SLC4A10: variants seen among roughly 807,000 people sequenced by gnomAD.
SLC4A10 encodes the protein solute carrier family 4 member 10.
In SLC4A10, 42 loss-of-function variants were observed where a neutral mutation model predicts 137.7. That is an observed-to-expected ratio of 0.30 (90% CI 0.24 to 0.39). The LOEUF (loss-of-function observed/expected upper bound fraction) is 0.39. SLC4A10 is among the 10% of genes least tolerant of loss of function. SLC4A10 has a pLI of 1.00. For missense variants in SLC4A10, 925 were observed against 1,355.0 expected, an observed-to-expected ratio of 0.68 and a Z score of 4.98; for synonymous variants, 474 against 464.1, an observed-to-expected ratio of 1.02 and a Z score of -0.27.
chr2:161,969,175 AG>A (rs923723566), intron 23 of SLC4A10, among the ~76,000 whole-genome samples: 2 of 152,336 alleles, frequency 1.3e-5, no homozygotes, highest in Admixed American at 1.3e-4. Context: ...TTTAGCCTCC[AG>A]GGTTTTCCTA....
chr2:161,738,892 G>A (rs1456802776), intron 1 of SLC4A10, among the ~76,000 whole-genome samples: 1 of 152,142 alleles, frequency 6.6e-6, no homozygotes, highest in Non-Finnish European at 1.5e-5. Context: ...TGTAAGTGCA[G>A]AACTATTGGG....
At position 161,943,025 on chromosome 2, in the gene SLC4A10, AT is replaced by A. The variant is rs1483636650; in HGVS notation, c.2103+131del. On this transcript the variant is annotated intron_variant, in intron 16 of 26. Coordinates refer to ENST00000446997, the MANE Select transcript of SLC4A10 (RefSeq NM_001178015.2). ...AACTAATAGTTGTGTTTTAATTTTAATTTCATCATTTCAGATGCTCATCAGT... is the reference window on the plus strand; with the variant it reads ...AACTAATAGTTGTGTTTTAATTTTAATTCATCATTTCAGATGCTCATCAGT... 1.4e-5 allele frequency: 9 copies of A among 652,118 alleles called. No individual in the cohort carries two copies. The Admixed American group carries it at 1.6e-4, about 12-fold the overall frequency. The allele number at this position is 652,118 out of a possible 1,614,324, so 40.4% of individuals were successfully genotyped here. A position where few individuals can be genotyped will look rare whatever the true frequency, so the allele number is the denominator to read the frequency against.
At chr2:161,936,615 T>TAG (rs1575732891) in intron 15 of SLC4A10, among the ~76,000 whole-genome samples, 1 of 152,138 alleles carries the variant, frequency 6.6e-6, no homozygotes, top group Non-Finnish European at 1.5e-5. Context: ...TGCATTTCTG[T>TAG]AGTGTATTTT....
At chr2:161,756,609 C>T (rs1334359375) in intron 1 of SLC4A10, among the ~76,000 whole-genome samples, 1 of 152,136 alleles carries the variant, frequency 6.6e-6, no homozygotes, top group Admixed American at 6.6e-5. Flanking sequence ...ACCTAATCTC[C>T]TTGCCCACTG....
rs981187003 is a variant in SLC4A10, at chr2:161,982,112, G to A, written c.*27-1067G>A. On this transcript the variant is annotated intron_variant, in intron 26 of 26. Transcript: ENST00000446997. ...AGAAGAGTTATAAAACCAAGGGTGC[G>A]GTCCATTGTCAAGTGTTTCATAAAT... Among the ~76,000 whole-genome samples, 7 of 152,216 alleles carry A rather than the reference G, an allele frequency of 4.6e-5. No individual in the cohort carries two copies. The South Asian group carries it at 6.2e-4, about 14-fold the overall frequency.
intron 1 of SLC4A10, among the ~76,000 whole-genome samples, chr2:161,650,729 G>A (rs1232776518): frequency 6.6e-6 from 1 of 152,154 alleles, no homozygotes; most frequent in Non-Finnish European, 1.5e-5. Flanking sequence ...CCCACTCAAG[G>A]CGGCACTTAA....
At chr2:161,817,572 T>A (rs1002086489) in intron 3 of SLC4A10, among the ~76,000 whole-genome samples, 398 of 152,316 alleles carry the variant, frequency 2.6e-3, no homozygotes, top group African/African-American at 8.5e-3. Flanking sequence ...ATGTCCTGAA[T>A]GGTATTGCCT....
chr2:161,691,277 A>G (rs1432923805), intron 1 of SLC4A10, among the ~76,000 whole-genome samples: 1 of 132,244 alleles, frequency 7.6e-6, no homozygotes, highest in East Asian at 2.7e-4. Context: ...CCTTGAACAC[A>G]TGGAGATAGA....
intron 1 of SLC4A10, among the ~76,000 whole-genome samples, chr2:161,632,131 C>T (rs531774721): frequency 1.3e-5 from 2 of 151,766 alleles, no homozygotes; most frequent in South Asian, 4.2e-4. Flanking sequence ...CTGTTTCTTT[C>T]TAGTGTCTTT....
chr2:161,785,622 T>C (rs565484264), intron 2 of SLC4A10, among the ~76,000 whole-genome samples: 1 of 151,798 alleles, frequency 6.6e-6, no homozygotes, highest in African/African-American at 2.4e-5. Context: ...GAACAAAAAA[T>C]ATATTATTAT....
At chr2:161,752,347 A>T (rs1559169398) in intron 1 of SLC4A10, among the ~76,000 whole-genome samples, 1 of 151,980 alleles carries the variant, frequency 6.6e-6, no homozygotes, top group East Asian at 1.9e-4. Flanking sequence ...CTTTTGGCCC[A>T]TGAAGAGCTC....
intron 1 of SLC4A10, among the ~76,000 whole-genome samples, chr2:161,711,902 ACACT>A (rs2044330947): frequency 6.6e-6 from 1 of 151,814 alleles, no homozygotes; most frequent in African/African-American, 2.4e-5. Flanking sequence ...TGTATGTGAA[ACACT>A]TATAAGAGTA....
intron 16 of SLC4A10, among the ~76,000 whole-genome samples, chr2:161,944,645 G>A (rs1693390200): frequency 6.6e-6 from 1 of 151,182 alleles, no homozygotes; most frequent in South Asian, 2.1e-4. Context: ...GTTAACATTT[G>A]AGCAGAAAGT....
At chr2:161,790,760 C>T (rs985931563) in intron 2 of SLC4A10, among the ~76,000 whole-genome samples, 4 of 152,022 alleles carry the variant, frequency 2.6e-5, no homozygotes, top group African/African-American at 9.7e-5. Flanking sequence ...AAATAAGAGA[C>T]AATTATTTTA....
At chr2:161,660,843 A>G (rs530635459) in intron 1 of SLC4A10, among the ~76,000 whole-genome samples, 15 of 150,854 alleles carry the variant, frequency 9.9e-5, no homozygotes, top group African/African-American at 3.6e-4. Flanking sequence ...TTTTATTTTT[A>G]GTAGGGACGG....
chr2:161,624,685 CA>C (rs1208773067), intron 1 of SLC4A10, 119 bp downstream of exon 1: 53 of 1,349,566 alleles, frequency 3.9e-5, no homozygotes, highest in Non-Finnish European at 5.2e-5. Flanking sequence ...GCTCCTACGA[CA>C]TATGGACAGG....
At chr2:161,643,022 A>G (rs900191393) in intron 1 of SLC4A10, among the ~76,000 whole-genome samples, 2 of 151,988 alleles carry the variant, frequency 1.3e-5, no homozygotes, top group African/African-American at 4.8e-5. Context: ...ATTTTTGTGG[A>G]TCCATATTTC....
intron 1 of SLC4A10, among the ~76,000 whole-genome samples, chr2:161,704,663 C>T (rs2043465707): frequency 6.6e-6 from 1 of 151,484 alleles, no homozygotes; most frequent in Non-Finnish European, 1.5e-5. Context: ...GGTTGTACCC[C>T]ACAAATATAT....
intron 15 of SLC4A10, among the ~76,000 whole-genome samples, chr2:161,907,768 C>T (rs991057116): frequency 2.6e-5 from 4 of 152,130 alleles, no homozygotes; most frequent in Non-Finnish European, 5.9e-5. Flanking sequence ...TGCATTCATG[C>T]TTTAAAATAT....
Sources: allele counts gnomAD v4.1 joint callset (sites outside exome capture counted in the v4.1 genomes callset), GRCh38; gene constraint gnomAD v4.1.1; transcripts MANE v1.5; gene names NCBI Gene and HGNC (gene_info 2026-07-23, HGNC 2026-07-21).